DLC1: variants seen among roughly 807,000 people sequenced by gnomAD.
DLC1 encodes rho GTPase-activating protein 7.
DLC1 carries 54 observed loss-of-function variants against 140.3 expected under a neutral mutation model. The observed-to-expected ratio is 0.38, with a 90% confidence interval of 0.31 to 0.48. The LOEUF (loss-of-function observed/expected upper bound fraction) is 0.48. Ranked by LOEUF, DLC1 falls within the 20% of genes least tolerant of loss-of-function variation. The probability of loss-of-function intolerance (pLI) is 0.96; values close to 1 mark genes in which losing one functional copy is unlikely to be tolerated. For synonymous variants in DLC1, 986 were observed against 728.1 expected, an observed-to-expected ratio of 1.35 and a Z score of -5.70; for missense variants, 2,536 against 1,907.0, an observed-to-expected ratio of 1.33 and a Z score of -6.14.
At chr8:13,167,943 C>T (rs954526539) in intron 5 of DLC1, among the ~76,000 whole-genome samples, 2 of 152,148 alleles carry the variant, frequency 1.3e-5, no homozygotes, top group African/African-American at 2.4e-5. Context: ...ACACCAAGTA[C>T]CATTTATTAA....
At chr8:13,583,030 G>A (rs181181780) in intron 1 of DLC1, among the ~76,000 whole-genome samples, 8 of 151,582 alleles carry the variant, frequency 5.3e-5, no homozygotes, top group Admixed American at 3.3e-4. Context: ...TCTTTTTGCC[G>A]GTGGAGGGTC....
At chr8:13,117,751 T>C (rs933191590) in intron 5 of DLC1, among the ~76,000 whole-genome samples, 2 of 152,190 alleles carry the variant, frequency 1.3e-5, no homozygotes, top group Non-Finnish European at 2.9e-5. Context: ...TTGACGATAG[T>C]CAGACACGGC....
At chr8:13,292,304 C>G (rs538647527) in intron 5 of DLC1, among the ~76,000 whole-genome samples, 17 of 152,246 alleles carry the variant, frequency 1.1e-4, no homozygotes, top group African/African-American at 4.1e-4. Context: ...GCGGTCACTG[C>G]TCTGTTTATA....
intron 4 of DLC1, among the ~76,000 whole-genome samples, chr8:13,351,362 G>C (rs575490740): frequency 1.9e-4 from 29 of 152,294 alleles, no homozygotes; most frequent in African/African-American, 7.0e-4. Flanking sequence ...GAAGTTCATG[G>C]ACTTCACACT....
At chr8:13,167,546 T>C (rs1043072331) in intron 5 of DLC1, among the ~76,000 whole-genome samples, 2 of 152,224 alleles carry the variant, frequency 1.3e-5, no homozygotes, top group African/African-American at 4.8e-5. Flanking sequence ...TTGTGGCTCT[T>C]TGTGGCTTGA....
chr8:13,393,063 T>TTA (rs1465297921), intron 4 of DLC1, among the ~76,000 whole-genome samples: 1 of 152,166 alleles, frequency 6.6e-6, no homozygotes, highest in Non-Finnish European at 1.5e-5. Flanking sequence ...TATATAATTA[T>TTA]TATCTGTCTA....
At chr8:13,567,616 CT>C (rs747786222) in intron 1 of DLC1, 21 of 1,551,590 alleles carry the variant, frequency 1.4e-5, no homozygotes. Context: ...AAGAGCGGAG[CT>C]GGCCCTGTCT....
rs114274931 is a variant in DLC1, at chr8:13,288,746, C to T, written c.1348+16523G>A. On this transcript the variant is annotated intron_variant, in intron 5 of 17. Coordinates refer to ENST00000276297, the MANE Select transcript of DLC1 (RefSeq NM_182643.3). ...ACGTCACTAGTTCCTGCCCCTTTCC[C>T]CCTTTATTGCTGGCCTGCAACTTTC... 3.2e-3 allele frequency among the ~76,000 whole-genome samples: 486 copies of T among 152,266 alleles called. 4 individuals are homozygous for T. The highest frequency in any genetic ancestry group is 0.011 in the African/African-American group (464 of 41,540).
At chr8:13,541,699 GC>G in intron 1 of DLC1, among the ~76,000 whole-genome samples, 1 of 152,154 alleles carries the variant, frequency 6.6e-6, no homozygotes, top group East Asian at 1.9e-4. Context: ...ACAGGCGCCT[GC>G]CACCAAGCCT....
intron 5 of DLC1, among the ~76,000 whole-genome samples, chr8:13,156,833 C>T (rs533919038): frequency 1.3e-5 from 2 of 152,326 alleles, no homozygotes; most frequent in South Asian, 2.1e-4. Context: ...TATGCTTTGC[C>T]CCTTTGAAAA....
intron 2 of DLC1, among the ~76,000 whole-genome samples, chr8:13,453,749 T>C (rs1799264467): frequency 6.6e-6 from 1 of 151,080 alleles, no homozygotes; most frequent in African/African-American, 2.4e-5. Context: ...TCAATAGTAC[T>C]TTGTTATAAT....
In DLC1 at chr8:13,085,739, A is replaced by G. The variant is rs1049054575; in HGVS notation, c.*72T>C. On this transcript the variant is annotated 3_prime_UTR_variant, in exon 18 of 18. Transcript: ENST00000276297. ...TGTTTCAGGATTAGACACAGAACCC[A>G]TTCTTCAAGGACTGGCAAAAGTTCT... 3.1e-6 allele frequency: 5 copies of G among 1,602,936 alleles called. No homozygotes were observed. The highest frequency in any genetic ancestry group is 1.7e-5 in the Admixed American group (1 of 58,718).
At position 13,099,882 on chromosome 8, in the gene DLC1, G is replaced by A. The variant is rs760077706; in HGVS notation, c.2455C>T (p.Pro819Ser). 8.1e-6 allele frequency: 13 copies of A among 1,614,076 alleles called. No homozygotes were observed. The highest frequency in any genetic ancestry group is 1.1e-5 in the Non-Finnish European group (13 of 1,180,054). ...AAACTGCCATTGGTGAGAGCTTTGG[G>A]GAAAGTGCCAGGCTTGTGATCTTCA... ...IPEDHKPGTF[P>S]KALTNGSFSP... The change falls in exon 9 of 18, where the codon CCC (proline) becomes TCC (serine). Residue 819 changes from proline (P) to serine (S), a missense_variant. Transcript: ENST00000276297.
chr8:13,468,352 C>CCCTCT (rs1563373557), intron 2 of DLC1, among the ~76,000 whole-genome samples: 7 of 117,790 alleles, frequency 5.9e-5, no homozygotes, highest in African/African-American at 2.2e-4. Context: ...CCCTCCCCTC[C>CCCTCT]CCTCCCCTCC....
chr8:13,589,072 G>A (rs1466549834), intron 1 of DLC1, among the ~76,000 whole-genome samples: 2 of 152,014 alleles, frequency 1.3e-5, no homozygotes, highest in Non-Finnish European at 2.9e-5. Context: ...TGCACAGTGA[G>A]AAGTCAAATA....
intron 5 of DLC1, among the ~76,000 whole-genome samples, chr8:13,216,859 C>G (rs984733121): frequency 6.6e-6 from 1 of 152,100 alleles, no homozygotes; most frequent in Non-Finnish European, 1.5e-5. Context: ...GGAAACCAAA[C>G]CAAATTACCT....
At chr8:13,425,879 C>T (rs1838552498) in intron 2 of DLC1, among the ~76,000 whole-genome samples, 1 of 152,138 alleles carries the variant, frequency 6.6e-6, no homozygotes, top group South Asian at 2.1e-4. Context: ...GGCTCAGGCT[C>T]AAGTGATTGT....
At chr8:13,367,036 C>T (rs1465425148) in intron 4 of DLC1, among the ~76,000 whole-genome samples, 2 of 152,174 alleles carry the variant, frequency 1.3e-5, no homozygotes, top group African/African-American at 4.8e-5. Context: ...CTTTCCTCTC[C>T]ATGTCTCCCT....
intron 5 of DLC1, 146 bp downstream of exon 5, chr8:13,305,123 C>G: frequency 7.5e-7 from 1 of 1,329,470 alleles, no homozygotes; most frequent in Non-Finnish European, 9.7e-7. Context: ...TTGAGCAAAA[C>G]AAATTTCTTT....
Sources: gnomAD v4.1 joint callset for allele counts (sites outside exome capture counted in the v4.1 genomes callset) on GRCh38, gnomAD v4.1.1 for gene constraint, MANE v1.5 for transcripts, NCBI Gene and HGNC (gene_info 2026-07-23, HGNC 2026-07-21) for gene names.